PIWIL3: variants seen among roughly 807,000 people sequenced by gnomAD.
PIWIL3 encodes piwi-like protein 3.
In PIWIL3, 101 loss-of-function variants were observed where a neutral mutation model predicts 109.7. The observed-to-expected ratio is 0.92, with a 90% CI of 0.78 to 1.09. The LOEUF is 1.09. Among genes scored for constraint, PIWIL3 ranks in the 50% least tolerant of loss-of-function variants. The probability of loss-of-function intolerance (pLI) is 0.00; values close to 1 mark genes in which losing one functional copy is unlikely to be tolerated. For missense variants in PIWIL3, 1,031 were observed against 1,072.6 expected, an observed-to-expected ratio of 0.96 and a Z score of 0.54; for synonymous variants, 373 against 376.4, an observed-to-expected ratio of 0.99 and a Z score of 0.10.
chr22:24,770,202 C>T (rs1025964919), intron 1 of PIWIL3, among the ~76,000 whole-genome samples: 14 of 152,296 alleles, frequency 9.2e-5, no homozygotes, highest in African/African-American at 3.1e-4. Context: ...CAAGGTCACA[C>T]AGCTAGCAAG....
chr22:24,762,575 C>T, intron 1 of PIWIL3, 54 bp from the exon 2 acceptor site: 1 of 1,408,516 alleles, frequency 7.1e-7, no homozygotes, highest in Non-Finnish European at 9.6e-7. Context: ...GTGTCTTACT[C>T]TCTTTAGGGT....
At position 24,749,731 on chromosome 22, in the gene PIWIL3, TCA is replaced by T. The variant is rs752494560; in HGVS notation, c.1176_1177del (p.Glu393ThrfsTer17). 19 of 1,613,856 alleles carry T rather than the reference TCA, an allele frequency of 1.2e-5. No homozygotes were observed. The highest frequency in any genetic ancestry group is 1.7e-5 in the Admixed American group (1 of 59,980). ...CAGCTGAGGAATCAGCAGGATAGGT[TCA>T]CGTTGTGTACCCGTTAGGCCCTTTT... is the stretch of plus-strand genomic sequence containing the variant. On this transcript the variant is annotated frameshift_variant, in exon 10 of 21. Transcript: ENST00000616349. LOFTEE classifies it high-confidence loss of function.
Position 24,757,842 on chromosome 22 carries a change from TGAA to T in PIWIL3, c.355+63_355+65del, listed in dbSNP as rs1488171587. On this transcript the variant is annotated intron_variant, in intron 4 of 20. Transcript: ENST00000616349. ...GACAGAGCAGGACCTTGTCTCTCAA[TGAA>T]AAAAAAAAAAAAAAAGTTAAAAACG... 1.3e-5 allele frequency: 15 copies of T among 1,163,964 alleles called. No homozygotes were observed. The East Asian group carries it at 2.9e-4, about 23-fold the overall frequency. The allele number at this position is 1,163,964 out of a possible 1,614,324, so 72.1% of individuals were successfully genotyped here. A position where few individuals can be genotyped will look rare whatever the true frequency, so the allele number is the denominator to read the frequency against.
Position 24,752,686 on chromosome 22 carries a change from T to A in PIWIL3, c.978-1188A>T, listed in dbSNP as rs115424909. Among the ~76,000 whole-genome samples, 1,058 of 152,284 alleles carry A rather than the reference T, an allele frequency of 6.9e-3. 20 individuals are homozygous for A. The highest frequency in any genetic ancestry group is 0.024 in the African/African-American group (981 of 41,560). Reference sequence around the variant, plus strand: ...TCCTTAGTGTGAGACAAACCTCATATATTTCCTCAAACGAGGCCACTTCAG... The same window carrying A: ...TCCTTAGTGTGAGACAAACCTCATAAATTTCCTCAAACGAGGCCACTTCAG... On this transcript the variant is annotated intron_variant, in intron 8 of 20. Transcript: ENST00000616349.
intron 1 of PIWIL3, among the ~76,000 whole-genome samples, 164 bp downstream of exon 1, chr22:24,774,158 T>A (rs1279913134): frequency 6.6e-6 from 1 of 152,206 alleles, no homozygotes; most frequent in Non-Finnish European, 1.5e-5. Context: ...TCTGCTAATC[T>A]GAAGATGTAA....
intron 4 of PIWIL3, among the ~76,000 whole-genome samples, chr22:24,757,337 C>T (rs1925110699): frequency 6.6e-6 from 1 of 152,090 alleles, no homozygotes; most frequent in South Asian, 2.1e-4. Context: ...CAGGCCAGGG[C>T]ACAGTGGCTC....
intron 8 of PIWIL3, among the ~76,000 whole-genome samples, chr22:24,753,497 C>T (rs1011275974): frequency 6.6e-6 from 1 of 152,146 alleles, no homozygotes; most frequent in African/African-American, 2.4e-5. Context: ...TGTCTTTAGA[C>T]CAACATCACA....
intron 1 of PIWIL3, among the ~76,000 whole-genome samples, chr22:24,766,521 G>A (rs1260724909): frequency 6.6e-6 from 1 of 151,468 alleles, no homozygotes; most frequent in African/African-American, 2.4e-5. Flanking sequence ...ACGGGGTTTC[G>A]CCATGTTAGC....
intron 12 of PIWIL3, among the ~76,000 whole-genome samples, chr22:24,744,178 T>TTAAAAAAAAAA (rs1924180538): frequency 0.049 from 1,692 of 34,296 alleles, 507 homozygotes; most frequent in East Asian, 0.067. Context: ...GTGACCGAAT[T>TTAAAAAAAAAA]AAAAAAAAAA....
At chr22:24,753,788 T>G (rs1301119274) in intron 8 of PIWIL3, among the ~76,000 whole-genome samples, 1 of 152,046 alleles carries the variant, frequency 6.6e-6, no homozygotes, top group Admixed American at 6.6e-5. Context: ...CAAGGTAGGG[T>G]TCAGAACAAA....
chr22:24,723,344 G>T, intron 18 of PIWIL3, 89 bp from the exon 19 acceptor site: 1 of 1,339,000 alleles, frequency 7.5e-7, no homozygotes, highest in South Asian at 1.3e-5. Flanking sequence ...TTACATTTAG[G>T]ACCCATTAAG....
chr22:24,766,019 A>G (rs1376385398), intron 1 of PIWIL3, among the ~76,000 whole-genome samples: 1 of 150,376 alleles, frequency 6.6e-6, no homozygotes, highest in African/African-American at 2.4e-5. Flanking sequence ...AGGTTATTTA[A>G]AATAAATTCC....
intron 1 of PIWIL3, among the ~76,000 whole-genome samples, chr22:24,768,487 C>T (rs188793081): frequency 6.5e-4 from 99 of 152,238 alleles, no homozygotes; most frequent in African/African-American, 2.2e-3. Context: ...CTCCTGACCT[C>T]GTGATCCACC....
At chr22:24,738,245 C>CCACAAA (rs1027927224) in intron 12 of PIWIL3, among the ~76,000 whole-genome samples, 1 of 152,164 alleles carries the variant, frequency 6.6e-6, no homozygotes, top group Non-Finnish European at 1.5e-5. Flanking sequence ...AAAAGAATAC[C>CCACAAA]AGGTGGGTTT....
rs541838308 is a variant in PIWIL3, at chr22:24,731,645, C to A, written c.1707+2439G>T. 1.7e-3 allele frequency among the ~76,000 whole-genome samples: 251 copies of A among 147,106 alleles called. 1 individual carries two copies. Among genetic ancestry groups the A allele is most frequent in the Middle Eastern group, 3.5e-3 (1 of 286 alleles). ...CAGCCTGGGCGACAGAGTGAGACTC[C>A]GTCCAAAAAAAAAAAAAAGAAAAGT... On this transcript the variant is annotated intron_variant, in intron 14 of 20. Coordinates refer to ENST00000616349, the MANE Select transcript of PIWIL3 (RefSeq NM_001255975.1).
chr22:24,751,406 T>TA lies in PIWIL3; in HGVS notation c.1069dup (p.Tyr357LeufsTer10). 6.2e-7 allele frequency: 1 copy of TA among 1,613,872 alleles called. No homozygotes were observed. The highest frequency in any genetic ancestry group is 8.5e-7 in the Non-Finnish European group (1 of 1,179,918). ...TCATACCTGCCTGTAGTAGTCTATA[T>TA]AGGTGATTTTGCTGCCATCTGATTT... On this transcript the variant is annotated frameshift_variant, in exon 9 of 21. Coordinates refer to ENST00000616349, the MANE Select transcript of PIWIL3 (RefSeq NM_001255975.1). LOFTEE classifies it high-confidence loss of function.
chr22:24,749,017 T>C lies in PIWIL3; in HGVS notation c.1339A>G (p.Lys447Glu). ...KEFINTLQDN[K>E]KVRELLQLWD... ...AGTTGAAGTAACTCTCGTACTTTTT[T>C]ATTACTGAAAATTAAAATATTGCCA... Residue 447 changes from lysine to glutamate, a missense_variant, in exon 12 of 21, where the codon AAA becomes GAA. Transcript: ENST00000616349. 3.7e-6 allele frequency: 6 copies of C among 1,604,860 alleles called. No individual in the cohort carries two copies. The highest frequency in any genetic ancestry group is 5.1e-6 in the Non-Finnish European group (6 of 1,173,676).
intron 12 of PIWIL3, among the ~76,000 whole-genome samples, chr22:24,745,606 G>A (rs962639532): frequency 2.7e-5 from 4 of 147,442 alleles, no homozygotes; most frequent in African/African-American, 7.5e-5. Flanking sequence ...AAAGAATGAA[G>A]ATCATAGAGC....
At chr22:24,742,233 C>T (rs909682718) in intron 12 of PIWIL3, among the ~76,000 whole-genome samples, 1 of 149,388 alleles carries the variant, frequency 6.7e-6, no homozygotes, top group Non-Finnish European at 1.5e-5. Context: ...CAACAGACTA[C>T]TGAAAGAAAT....
Sources: allele counts gnomAD v4.1 joint callset (sites outside exome capture counted in the v4.1 genomes callset), GRCh38; gene constraint gnomAD v4.1.1; transcripts MANE v1.5; gene names NCBI Gene and HGNC (gene_info 2026-07-23, HGNC 2026-07-21).